Variants in FBXO34 observed in about 807,000 individuals in gnomAD.
The protein encoded by FBXO34 is F-box protein 34.
FBXO34 carries 12 observed loss-of-function variants against 24.5 expected under a neutral mutation model. The ratio of observed to expected loss-of-function variants is 0.49; its 90% confidence interval spans 0.31 to 0.79. The LOEUF is 0.79. FBXO34 is among the 30% of genes least tolerant of loss of function. FBXO34 has a pLI of 0.04. For missense variants in FBXO34, 823 were observed against 857.7 expected (o/e 0.96, Z 0.51); for synonymous variants, 320 against 311.9 (o/e 1.03, Z -0.27).
At chr14:55,406,854 T>C in the FBXO34 span, among the ~76,000 whole-genome samples, 1 of 152,220 alleles carries the variant, frequency 6.6e-6, no homozygotes, top group African/African-American at 2.4e-5. Context: ...AAATTTTGAA[T>C]GGTTATTTGC....
chr14:55,402,952 TATATATATATATATATAA>T, the FBXO34 span, among the ~76,000 whole-genome samples: 279 of 61,166 alleles, frequency 4.6e-3, 10 homozygotes, highest in Non-Finnish European at 6.9e-3. Flanking sequence ...TATATATATA[TATATATATATATATATAA>T]ATAGCTGGGC....
intron 1 of FBXO34, among the ~76,000 whole-genome samples, chr14:55,292,122 A>T (rs1051709470): frequency 1.3e-5 from 2 of 152,102 alleles, no homozygotes; most frequent in Middle Eastern, 3.2e-3. Flanking sequence ...AGAAAGTAAT[A>T]TATATTTTTT....
At position 55,314,898 on chromosome 14, in the gene FBXO34, G is replaced by T. The variant is rs190682229; in HGVS notation, c.-10-35483G>T. 2.2e-3 allele frequency among the ~76,000 whole-genome samples: 328 copies of T among 152,202 alleles called. 1 individual carries two copies. In the Middle Eastern group the frequency reaches 0.024, roughly 11 times the overall value. ...ATCCCCCCACTTCTCCCTCTTGGAGGCTTGCTTTTAGCTTATTATTTTTGC... is the reference window on the plus strand; with the variant it reads ...ATCCCCCCACTTCTCCCTCTTGGAGTCTTGCTTTTAGCTTATTATTTTTGC... On this transcript the variant is annotated intron_variant, in intron 1 of 1. Transcript: ENST00000313833.
intron 1 of FBXO34, among the ~76,000 whole-genome samples, chr14:55,336,517 C>CTTA (rs1883779917): frequency 1.3e-5 from 2 of 152,164 alleles, no homozygotes; most frequent in Admixed American, 1.3e-4. Context: ...CTCATTCATC[C>CTTA]AGTGTTTTCC....
chr14:55,360,418 T>C (rs1166891953), intron 3 of FBXO34, among the ~76,000 whole-genome samples: 1 of 152,212 alleles, frequency 6.6e-6, no homozygotes, highest in African/African-American at 2.4e-5. Context: ...CAACTCCTTA[T>C]CCATTCAAGT....
At chr14:55,392,693 G>T in the FBXO34 span, among the ~76,000 whole-genome samples, 1 of 146,678 alleles carries the variant, frequency 6.8e-6, no homozygotes, top group African/African-American at 2.5e-5. Context: ...TAGTTAAAAA[G>T]AATGATTATT....
chr14:55,342,526 G>C (rs1566564021), intron 1 of FBXO34, among the ~76,000 whole-genome samples: 1 of 147,226 alleles, frequency 6.8e-6, no homozygotes, highest in Non-Finnish European at 1.5e-5. Context: ...CTGACCGATA[G>C]GGTTATTTTT....
chr14:55,340,401 CT>C (rs10717969), intron 1 of FBXO34, among the ~76,000 whole-genome samples: 52,452 of 141,214 alleles, frequency 0.37, 9,524 homozygotes, highest in Non-Finnish European at 0.43. Flanking sequence ...TCATGCTTGG[CT>C]TTTTTTTTTT....
chr14:55,435,808 G>T, the FBXO34 span: 1 of 1,318,056 alleles, frequency 7.6e-7, no homozygotes, highest in Non-Finnish European at 1.0e-6. Flanking sequence ...TAAATCTAAA[G>T]AGAAGCTAAT....
chr14:55,438,796 T>C, the FBXO34 span: 6 of 152,288 alleles, frequency 3.9e-5, no homozygotes, highest in African/African-American at 1.4e-4. Context: ...TCCACTTACC[T>C]TTCTCAGAAC....
chr14:55,369,831 G>GCTCATCTCCGCT, downstream of FBXO34: 1 of 1,614,146 alleles, frequency 6.2e-7, no homozygotes, highest in Non-Finnish European at 8.5e-7. Context: ...TCGCTGACGC[G>GCTCATCTCCGCT]CTCATCTCCG....
the FBXO34 span, among the ~76,000 whole-genome samples, chr14:55,401,330 T>G: frequency 6.6e-6 from 1 of 152,274 alleles, no homozygotes; most frequent in African/African-American, 2.4e-5. Flanking sequence ...ACAAATTATT[T>G]TTTCTATTTT....
At chr14:55,356,795 C>T, downstream of FBXO34, among the ~76,000 whole-genome samples, 1 of 152,106 alleles carries the variant, frequency 6.6e-6, no homozygotes, top group East Asian at 1.9e-4. Flanking sequence ...CTCGCTTAGG[C>T]TGGAGTGCAG....
chr14:55,291,053 C>T (rs1279235313), intron 1 of FBXO34, among the ~76,000 whole-genome samples: 2 of 152,064 alleles, frequency 1.3e-5, no homozygotes, highest in Non-Finnish European at 2.9e-5. Context: ...TCTTGAACTC[C>T]TGACCTTAAG....
chr14:55,285,689 C>G (rs949274052), intron 1 of FBXO34: 2 of 152,212 alleles, frequency 1.3e-5, no homozygotes, highest in Admixed American at 1.3e-4. Flanking sequence ...TCCCTGCCAG[C>G]TCATTTGTTG....
chr14:55,360,626 C>T (rs76837224), intron 3 of FBXO34, among the ~76,000 whole-genome samples: 2,378 of 152,090 alleles, frequency 0.016, 60 homozygotes, highest in African/African-American at 0.055. Context: ...CTGTTTTACA[C>T]GCGATGTTTA....
downstream of FBXO34, among the ~76,000 whole-genome samples, chr14:55,370,257 T>A (rs75789405): frequency 0.019 from 2,901 of 152,280 alleles, 89 homozygotes; most frequent in African/African-American, 0.062. Context: ...AGAACTGCAG[T>A]GTCTACGAAG....
chr14:55,402,633 C>A, the FBXO34 span, among the ~76,000 whole-genome samples: 76 of 151,594 alleles, frequency 5.0e-4, no homozygotes, highest in African/African-American at 1.7e-3. Context: ...GTATGATTTT[C>A]ATAGGCAAAT....
chr14:55,338,045 C>CTACTTTT (rs1883844940), intron 1 of FBXO34, among the ~76,000 whole-genome samples: 1 of 82,918 alleles, frequency 1.2e-5, no homozygotes, highest in Non-Finnish European at 2.2e-5. Flanking sequence ...AGAGTATGTA[C>CTACTTTT]TTCTTTTTTT....
Sources: allele counts gnomAD v4.1 joint callset (sites outside exome capture counted in the v4.1 genomes callset), GRCh38; gene constraint gnomAD v4.1.1; transcripts MANE v1.5; gene names NCBI Gene and HGNC (gene_info 2026-07-23, HGNC 2026-07-21).